Variants in ABCC2 observed in about 807,000 individuals in gnomAD.
The protein encoded by ABCC2 is ATP binding cassette subfamily C member 2.
A neutral mutation model predicts 173.4 loss-of-function variants in ABCC2; 157 were observed. That is an observed-to-expected ratio of 0.91 (90% CI 0.80 to 1.03). ABCC2 has a LOEUF of 1.03. Among genes scored for constraint, ABCC2 ranks in the 50% least tolerant of loss-of-function variants. The pLI, the probability that ABCC2 is intolerant of heterozygous loss-of-function variation, is 0.00. For synonymous variants in ABCC2, 657 were observed against 693.5 expected, an observed-to-expected ratio of 0.95 and a Z score of 0.83; for missense variants, 1,822 against 1,852.3, an observed-to-expected ratio of 0.98 and a Z score of 0.30.
chr10:99,819,063 A>AT (rs775921821), intron 18 of ABCC2, 26 bp from the exon 19 acceptor site: 205 of 1,613,710 alleles, frequency 1.3e-4, no homozygotes, highest in Middle Eastern at 8.2e-4. Context: ...TATGGTAATC[A>AT]ACACAACTTC....
chr10:99,805,539 C>T, intron 11 of ABCC2, 92 bp downstream of exon 11: 1 of 1,304,602 alleles, frequency 7.7e-7, no homozygotes, highest in Non-Finnish European at 1.1e-6. Flanking sequence ...GTGATGGATT[C>T]CTGCTTCTGG....
Position 99,793,988 on chromosome 10 carries a change from G to C in ABCC2, c.565G>C (p.Glu189Gln). The change falls in exon 5 of 32, where the codon GAG (glutamate) becomes CAG (glutamine). Residue 189 changes from glutamate to glutamine, a missense_variant. Glu to Gln is a conservative substitution (Grantham distance 29). Coordinates refer to ENST00000647814, the MANE Select transcript of ABCC2 (RefSeq NM_000392.5). The stretch of plus-strand genomic sequence containing the variant: ...CTTTTCAGCATTTTCAGAAAATAAT[G>C]AGTCATCAAATGTGAGATTCTAAAT... ...LIFSAFSENN[E>Q]SSNNPSSIAS... 6.2e-7 allele frequency: 1 copy of C among 1,605,870 alleles called. No individual in the cohort carries two copies. The highest frequency in any genetic ancestry group is 2.2e-5 in the East Asian group (1 of 44,830).
intron 6 of ABCC2, among the ~76,000 whole-genome samples, chr10:99,795,721 A>G (rs1247968361): frequency 7.0e-6 from 1 of 142,040 alleles, no homozygotes; most frequent in Non-Finnish European, 1.5e-5. Context: ...AGAGAGAGAG[A>G]AGAAAGAAAG....
Position 99,797,264 on chromosome 10 carries a change from A to G in ABCC2, c.800A>G (p.Gln267Arg), listed in dbSNP as rs772960810. 9.9e-6 allele frequency: 16 copies of G among 1,614,078 alleles called. No individual in the cohort carries two copies. The South Asian group carries it at 1.5e-4, about 16-fold the overall frequency. ...LQRRQEKSSQ[Q>R]NSGARLPGLN... is the part of the protein sequence containing the mutation. ...AGACGGCAGGAGAAGAGCTCCCAGC[A>G]GAACTCTGGAGCCAGGCTGCCTGGC... The change falls in exon 7 of 32, where the codon CAG (glutamine) becomes CGG (arginine). Residue 267 changes from glutamine (Q) to arginine (R), a missense_variant. Transcript: ENST00000647814.
rs1491171880 is a variant in ABCC2, at chr10:99,814,210, CAT to C, written c.2094+1067_2094+1068del. Reference sequence around the variant, plus strand: ...ATACACACATGTGTATATATACACACATGTGTATATATACACACATGTGTATA... The same window carrying C: ...ATACACACATGTGTATATATACACACGTGTATATATACACACATGTGTATA... On this transcript the variant is annotated intron_variant, in intron 16 of 31. Transcript: ENST00000647814. Among the ~76,000 whole-genome samples the C allele has an allele frequency of 2.6e-3, 154 of 59,814 alleles. 12 individuals carry two copies. Among genetic ancestry groups the C allele is most frequent in the South Asian group, 0.018 (33 of 1,796 alleles). 39.2% of individuals were successfully genotyped at this position (59,814 alleles called of 152,430 possible).
chr10:99,852,096 G>A lies in ABCC2; in HGVS notation c.*465G>A, dbSNP rs540325713. 5 of 168,322 alleles carry A rather than the reference G, an allele frequency of 3.0e-5. No homozygotes were observed. The highest frequency in any genetic ancestry group is 2.9e-4 in the Admixed American group (5 of 17,486). The allele number at this position is 168,322 out of a possible 1,614,324, so 10.4% of individuals were successfully genotyped here. ...ATTTTTTTTCACTGCTCTGTAGTCTGGCATTGTATGAATACAGCACAATGT... is the reference window on the plus strand; with the variant it reads ...ATTTTTTTTCACTGCTCTGTAGTCTAGCATTGTATGAATACAGCACAATGT... On this transcript the variant is annotated 3_prime_UTR_variant, in exon 32 of 32. Transcript: ENST00000647814.
At chr10:99,791,236 T>A (rs944661739) in intron 2 of ABCC2, among the ~76,000 whole-genome samples, 2 of 152,112 alleles carry the variant, frequency 1.3e-5, no homozygotes, top group East Asian at 3.9e-4. Context: ...GGTAAAATCC[T>A]GTCTCTACTA....
intron 25 of ABCC2, among the ~76,000 whole-genome samples, chr10:99,839,093 C>G (rs1259575014): frequency 7.2e-6 from 1 of 139,048 alleles, no homozygotes; most frequent in Non-Finnish European, 1.6e-5. Flanking sequence ...GGGGCAGACC[C>G]CCCCCCCACC....
chr10:99,817,798 G>C (rs2038449836), intron 17 of ABCC2, among the ~76,000 whole-genome samples: 1 of 152,196 alleles, frequency 6.6e-6, no homozygotes, highest in African/African-American at 2.4e-5. Context: ...GGCAGAAGTG[G>C]GACCAGAGCC....
chr10:99,843,220 A>G (rs1361133577), intron 26 of ABCC2, among the ~76,000 whole-genome samples: 1 of 152,194 alleles, frequency 6.6e-6, no homozygotes, highest in Non-Finnish European at 1.5e-5. Context: ...TCAGGAAACT[A>G]TTAGATTGAA....
Position 99,850,601 on chromosome 10 carries a change from G to A in ABCC2, c.4314-1G>A. ...CACATGGTTGCTTCTATTGGCTGCAGCATAGGCCAGAGGCAGCTGCTGTGC... is the reference window on the plus strand; with the variant it reads ...CACATGGTTGCTTCTATTGGCTGCAACATAGGCCAGAGGCAGCTGCTGTGC... On this transcript the variant is annotated splice_acceptor_variant, in intron 30 of 31. Coordinates refer to ENST00000647814, the MANE Select transcript of ABCC2 (RefSeq NM_000392.5). LOFTEE classifies it high-confidence loss of function. 2 of 1,614,146 alleles carry A rather than the reference G, an allele frequency of 1.2e-6. No homozygotes were observed. Among genetic ancestry groups the A allele is most frequent in the Non-Finnish European group, 1.7e-6 (2 of 1,180,020 alleles).
intron 21 of ABCC2, among the ~76,000 whole-genome samples, chr10:99,831,081 A>C (rs1281750209): frequency 6.6e-6 from 1 of 152,190 alleles, no homozygotes; most frequent in Non-Finnish European, 1.5e-5. Context: ...CCTACACTTC[A>C]TGAGTGTTTG....
chr10:99,815,496 A>G (rs2038392846), intron 16 of ABCC2, among the ~76,000 whole-genome samples: 1 of 151,130 alleles, frequency 6.6e-6, no homozygotes, highest in Admixed American at 6.6e-5. Flanking sequence ...GGGACTGGCT[A>G]ATTATGCTTT....
chr10:99,831,953 T>G, intron 22 of ABCC2, 24 bp from the exon 23 acceptor site: 4 of 1,614,232 alleles, frequency 2.5e-6, no homozygotes, highest in Non-Finnish European at 3.4e-6. Context: ...TGCATGGTGC[T>G]GACAAAACTG....
intron 21 of ABCC2, among the ~76,000 whole-genome samples, 190 bp from the exon 22 acceptor site, chr10:99,831,421 T>C (rs1194231751): frequency 1.3e-5 from 2 of 152,214 alleles, no homozygotes; most frequent in African/African-American, 2.4e-5. Context: ...TTACCCTGCA[T>C]TGTATTTCAG....
At position 99,832,149 on chromosome 10, in the gene ABCC2, T is replaced by A; in HGVS notation, c.3258+18T>A. On this transcript the variant is annotated intron_variant, in intron 23 of 31. Transcript: ENST00000647814. Reference sequence around the variant, plus strand: ...TTGCCGGCGTAAGTATCTCAAGAACTGTCAGGTGGTGTGTTTATATACTGA... The same window carrying A: ...TTGCCGGCGTAAGTATCTCAAGAACAGTCAGGTGGTGTGTTTATATACTGA... The A allele has an allele frequency of 6.2e-7, 1 of 1,614,112 alleles. No homozygotes were observed.
chr10:99,784,866 G>T (rs1412584720), intron 2 of ABCC2, 85 bp downstream of exon 2: 2 of 1,537,078 alleles, frequency 1.3e-6, no homozygotes, highest in Non-Finnish European at 1.8e-6. Context: ...TCTCTTCCTT[G>T]TCTTTAAGCA....
chr10:99,822,777 G>A (rs950437182), intron 19 of ABCC2, among the ~76,000 whole-genome samples: 1 of 152,142 alleles, frequency 6.6e-6, no homozygotes, highest in African/African-American at 2.4e-5. Flanking sequence ...GCTTCTTTTT[G>A]TTTAACTAAT....
Position 99,834,365 on chromosome 10 carries a change from T to C in ABCC2, c.3259-15T>C. On this transcript the variant is annotated splice_polypyrimidine_tract_variant and intron_variant, in intron 23 of 31. Coordinates refer to ENST00000647814, the MANE Select transcript of ABCC2 (RefSeq NM_000392.5). ...GACCTCAGTGATGGTGTATCTCTCC[T>C]AATCGTTTTCCTAGGATATTTCCAC... The C allele has an allele frequency of 6.2e-7, 1 of 1,613,918 alleles. No homozygotes were observed. The highest frequency in any genetic ancestry group is 8.5e-7 in the Non-Finnish European group (1 of 1,179,806).
Sources: gnomAD v4.1 joint callset for allele counts (sites outside exome capture counted in the v4.1 genomes callset) on GRCh38, gnomAD v4.1.1 for gene constraint, MANE v1.5 for transcripts, NCBI Gene and HGNC (gene_info 2026-07-23, HGNC 2026-07-21) for gene names.